ST6GAL1: variants seen among roughly 807,000 people sequenced by gnomAD.
The protein encoded by ST6GAL1 is ST6 beta-galactoside alpha-2,6-sialyltransferase 1.
ST6GAL1 carries 20 observed loss-of-function variants against 38.0 expected under a neutral mutation model. That is an observed-to-expected ratio of 0.53 (90% CI 0.37 to 0.77). The LOEUF (loss-of-function observed/expected upper bound fraction) is 0.77. Among genes scored for constraint, ST6GAL1 ranks in the 30% least tolerant of loss-of-function variants. The pLI is 0.00. For synonymous variants in ST6GAL1, 196 were observed against 188.2 expected (o/e 1.04, Z -0.34); for missense variants, 432 against 496.4 (o/e 0.87, Z 1.23).
At chr3:186,982,636 A>T (rs1190555373) in intron 2 of ST6GAL1, among the ~76,000 whole-genome samples, 3 of 152,130 alleles carry the variant, frequency 2.0e-5, no homozygotes, top group Non-Finnish European at 2.9e-5. Flanking sequence ...TTATCCAGAT[A>T]TAATGGCATC....
chr3:187,074,862 G>A (rs1476224508), intron 7 of ST6GAL1, among the ~76,000 whole-genome samples: 1 of 152,100 alleles, frequency 6.6e-6, no homozygotes, highest in Admixed American at 6.5e-5. Flanking sequence ...TTTCACTACA[G>A]TATCTTCAGA....
At chr3:186,943,242 T>C (rs776938613) in intron 1 of ST6GAL1, among the ~76,000 whole-genome samples, 43 of 152,130 alleles carry the variant, frequency 2.8e-4, no homozygotes, top group Non-Finnish European at 5.1e-4. Flanking sequence ...AATGAGCATT[T>C]TTGAGGCAGG....
chr3:187,002,403 A>C (rs564172091), intron 2 of ST6GAL1, among the ~76,000 whole-genome samples: 1 of 152,354 alleles, frequency 6.6e-6, no homozygotes, highest in Non-Finnish European at 1.5e-5. Context: ...GAAATGACCC[A>C]AAAGACCCTT....
chr3:187,001,005 G>T (rs1224220425), intron 2 of ST6GAL1, among the ~76,000 whole-genome samples: 1 of 152,182 alleles, frequency 6.6e-6, no homozygotes, highest in African/African-American at 2.4e-5. Context: ...GTCAGGTGAG[G>T]CCATTGTTGG....
chr3:186,989,533 T>G (rs558855416), intron 2 of ST6GAL1, among the ~76,000 whole-genome samples: 1 of 152,192 alleles, frequency 6.6e-6, no homozygotes, highest in East Asian at 1.9e-4. Flanking sequence ...TAAGATCTTT[T>G]CTAGCTGTGA....
At chr3:186,977,274 A>G (rs767014426) in intron 2 of ST6GAL1, among the ~76,000 whole-genome samples, 1 of 151,952 alleles carries the variant, frequency 6.6e-6, no homozygotes, top group Non-Finnish European at 1.5e-5. Flanking sequence ...TGCTTTTATC[A>G]CCAGCGGTTT....
chr3:186,954,737 A>G (rs1714691018), intron 1 of ST6GAL1, among the ~76,000 whole-genome samples: 1 of 152,086 alleles, frequency 6.6e-6, no homozygotes, highest in Non-Finnish European at 1.5e-5. Flanking sequence ...GCTTTGTCAA[A>G]TGGATAGATT....
At chr3:186,996,548 G>A (rs1343985323) in intron 2 of ST6GAL1, 1 of 152,180 alleles carries the variant, frequency 6.6e-6, no homozygotes, top group East Asian at 1.9e-4. Flanking sequence ...TTTGCTGCAG[G>A]TGGTACTTAA....
chr3:186,982,463 G>T (rs747328216), intron 2 of ST6GAL1, among the ~76,000 whole-genome samples: 2 of 152,200 alleles, frequency 1.3e-5, no homozygotes, highest in Non-Finnish European at 2.9e-5. Flanking sequence ...CAACTATGGG[G>T]CAGTATGGCA....
intron 1 of ST6GAL1, among the ~76,000 whole-genome samples, chr3:186,933,745 A>G (rs1035903166): frequency 6.6e-6 from 1 of 152,230 alleles, no homozygotes; most frequent in Non-Finnish European, 1.5e-5. Context: ...TTTTGCGTAA[A>G]AGGGAAATGG....
chr3:186,998,253 T>A (rs961989927), intron 2 of ST6GAL1, among the ~76,000 whole-genome samples: 1 of 152,088 alleles, frequency 6.6e-6, no homozygotes, highest in African/African-American at 2.4e-5. Flanking sequence ...AGAAAGAAAA[T>A]CCACGTATAA....
intron 1 of ST6GAL1, among the ~76,000 whole-genome samples, chr3:186,953,095 A>C (rs1714635930): frequency 6.6e-6 from 1 of 152,196 alleles, no homozygotes; most frequent in African/African-American, 2.4e-5. Flanking sequence ...GAATCGTTTC[A>C]CAACTGAGCC....
chr3:186,955,474 G>A (rs888325176), intron 1 of ST6GAL1, among the ~76,000 whole-genome samples: 2 of 151,658 alleles, frequency 1.3e-5, no homozygotes, highest in South Asian at 4.2e-4. Flanking sequence ...AGCACGGAAT[G>A]TTTTTCCATT....
chr3:186,946,457 CTG>C (rs1442345853), intron 1 of ST6GAL1, among the ~76,000 whole-genome samples: 2 of 152,130 alleles, frequency 1.3e-5, no homozygotes, highest in Admixed American at 1.3e-4. Flanking sequence ...TCACTGCTCA[CTG>C]TAGACTCGAT....
At chr3:187,054,026 G>T (rs766224074) in intron 5 of ST6GAL1, among the ~76,000 whole-genome samples, 7 of 152,048 alleles carry the variant, frequency 4.6e-5, no homozygotes, top group Admixed American at 6.5e-5. Context: ...TCCCTTGTAA[G>T]TTGGATGCCT....
chr3:187,015,846 A>T (rs1257585734), intron 2 of ST6GAL1, among the ~76,000 whole-genome samples: 1 of 152,158 alleles, frequency 6.6e-6, no homozygotes, highest in Non-Finnish European at 1.5e-5. Flanking sequence ...CTCAGGAAAA[A>T]AAAATAAAAA....
chr3:186,946,625 A>G (rs1487542024), intron 1 of ST6GAL1, among the ~76,000 whole-genome samples: 1 of 152,182 alleles, frequency 6.6e-6, no homozygotes, highest in Non-Finnish European at 1.5e-5. Context: ...CTATCCATAT[A>G]CAGATATAGA....
chr3:186,975,832 G>A (rs535185340), intron 2 of ST6GAL1, among the ~76,000 whole-genome samples: 2 of 152,306 alleles, frequency 1.3e-5, no homozygotes, highest in African/African-American at 4.8e-5. Context: ...GGGGACTCAC[G>A]ATTGGGACTA....
intron 2 of ST6GAL1, among the ~76,000 whole-genome samples, chr3:186,984,741 TCC>T (rs376269866): frequency 4.0e-5 from 1 of 25,110 alleles, no homozygotes; most frequent in Non-Finnish European, 8.3e-5. Flanking sequence ...CTTCCTTCCT[TCC>T]CTCCCTCCCT....
Sources: gnomAD v4.1 joint callset for allele counts (sites outside exome capture counted in the v4.1 genomes callset) on GRCh38, gnomAD v4.1.1 for gene constraint, MANE v1.5 for transcripts, NCBI Gene and HGNC (gene_info 2026-07-23, HGNC 2026-07-21) for gene names.